Variants in MAX observed in about 807,000 individuals in gnomAD.
MAX encodes MYC associated transcriptional regulator X.
MAX carries 3 observed loss-of-function variants against 22.3 expected under a neutral mutation model. The observed-to-expected ratio is 0.13, with a 90% CI of 0.06 to 0.35. The LOEUF (loss-of-function observed/expected upper bound fraction) is 0.35, where lower values mean the gene tolerates loss of function less well. Ranked by LOEUF, MAX falls within the 10% of genes least tolerant of loss-of-function variation. The probability of loss-of-function intolerance (pLI) is 1.00; values close to 1 mark genes in which losing one functional copy is unlikely to be tolerated. For missense variants in MAX, 119 were observed against 209.4 expected (o/e 0.57, Z 2.66); for synonymous variants, 72 against 77.7 (o/e 0.93, Z 0.39).
rs376696058 is a variant in MAX, at chr14:65,043,815, C to T, written c.172-37531G>A. On this transcript the variant is annotated intron_variant, in intron 3 of 3. Transcript: ENST00000341653. ...CCGCAGTCCGGCCTGGGCGACAGAG[C>T]GAGACTCCGTCTCAAAAAAAAAAAA... is the stretch of plus-strand genomic sequence containing the variant. Among the ~76,000 whole-genome samples the T allele has an allele frequency of 1.7e-3, 186 of 110,540 alleles. 4 individuals are homozygous for T. The South Asian group carries it at 0.056, about 33-fold the overall frequency. 72.5% of individuals were successfully genotyped at this position (110,540 alleles called of 152,430 possible). A position where few individuals can be genotyped will look rare whatever the true frequency, so the allele number is the denominator to read the frequency against.
At chr14:65,070,262 A>C (rs2062971573), downstream of MAX, among the ~76,000 whole-genome samples, 1 of 152,150 alleles carries the variant, frequency 6.6e-6, no homozygotes, top group East Asian at 1.9e-4. This position sits in a 1 kb window ranked among gnomAD's most constrained non-coding sequence, Gnocchi z 4.4. Flanking sequence ...TCTTGATAGG[A>C]GGCTTAATCC....
chr14:65,101,012 C>T (rs1053212578), intron 2 of MAX, among the ~76,000 whole-genome samples: 3 of 152,230 alleles, frequency 2.0e-5, no homozygotes, highest in Non-Finnish European at 4.4e-5. Context: ...TTATGTGACA[C>T]TTTGATGATG....
chr14:65,085,851 A>G (rs1299327108), intron 3 of MAX, among the ~76,000 whole-genome samples: 2 of 152,156 alleles, frequency 1.3e-5, no homozygotes, highest in Non-Finnish European at 2.9e-5. Flanking sequence ...CAAAGCACTC[A>G]GATAAGCTGA....
At chr14:65,026,391 AG>A (rs113115174) in intron 3 of MAX, among the ~76,000 whole-genome samples, 4 of 152,324 alleles carry the variant, frequency 2.6e-5, no homozygotes, top group African/African-American at 9.6e-5. Flanking sequence ...CCCCTCAGTG[AG>A]GGAATGGGAG....
intron 2 of MAX, among the ~76,000 whole-genome samples, chr14:65,099,541 AAC>A (rs1438777277): frequency 0.036 from 5,499 of 151,274 alleles, 312 homozygotes; most frequent in African/African-American, 0.12. Context: ...CAAAAAAACA[AAC>A]AAACAAACAA....
chr14:65,102,379 G>T lies in MAX; in HGVS notation c.-40C>A. ...GGAGCGGCCACTGCAGCGGCGGCGG[G>T]GAGGGGAAGGGGTGAAGGGGAGGGG... is the stretch of plus-strand genomic sequence containing the variant. On this transcript the variant is annotated 5_prime_UTR_variant, in exon 1 of 5. Transcript: ENST00000358664. 6.2e-7 allele frequency: 1 copy of T among 1,609,124 alleles called. No homozygotes were observed. The highest frequency in any genetic ancestry group is 1.7e-4 in the Middle Eastern group (1 of 6,024).
At position 65,093,453 on chromosome 14, in the gene MAX, A is replaced by T. The variant is rs1196060801; in HGVS notation, c.171+255T>A. The T allele has an allele frequency of 2.0e-6, 1 of 498,048 alleles. No individual in the cohort carries two copies. The highest frequency in any genetic ancestry group is 3.7e-5 in the East Asian group (1 of 26,730). The allele number at this position is 498,048 out of a possible 1,614,324, so 30.9% of individuals were successfully genotyped here. ...AGTTATAATTTCTTGAATTTATTAC[A>T]AATAATACAAATTTTAAAAGATAAC... is the stretch of plus-strand genomic sequence containing the variant. On this transcript the variant is annotated intron_variant, in intron 3 of 4. Transcript: ENST00000358664. This position sits in a 1 kb window ranked among gnomAD's most constrained non-coding sequence, Gnocchi z 4.4.
chr14:65,089,455 C>T (rs2139841378), intron 3 of MAX, among the ~76,000 whole-genome samples: 1 of 152,154 alleles, frequency 6.6e-6, no homozygotes, highest in South Asian at 2.1e-4. Context: ...GAGGGAGAGA[C>T]TTAAAAGATG....
rs2063034655 is a variant in MAX at position 65,075,507 on chromosome 14, T to C, written c.*969A>G. On this transcript the variant is annotated 3_prime_UTR_variant, in exon 5 of 5. Coordinates refer to ENST00000358664, the MANE Select transcript of MAX (RefSeq NM_002382.5). The surrounding 1 kb of genome is among the most constrained non-coding windows in gnomAD (Gnocchi z 4.1). ...TCTTGGTATTTACATACAAAATCAG[T>C]TGGCTCTATTTCTTAGAAATACACA... 2.8e-6 allele frequency: 3 copies of C among 1,064,904 alleles called. No homozygotes were observed. The highest frequency in any genetic ancestry group is 3.4e-6 in the Non-Finnish European group (3 of 878,838). 66.0% of individuals were successfully genotyped at this position (1,064,904 alleles called of 1,614,324 possible).
At position 65,032,637 on chromosome 14, in the gene MAX, C is replaced by G; in HGVS notation, c.172-26353G>C. 6.2e-7 allele frequency: 1 copy of G among 1,613,972 alleles called. No homozygotes were observed. Among genetic ancestry groups the G allele is most frequent in the Non-Finnish European group, 8.5e-7 (1 of 1,180,018 alleles). On this transcript the variant is annotated intron_variant, in intron 3 of 3. Transcript: ENST00000341653. This position sits in a 1 kb window ranked among gnomAD's most constrained non-coding sequence, Gnocchi z 5.0. Reference sequence around the variant, plus strand: ...GCGCATACTGTGCTGCCTCCGTAGCCTCGCTGACCAACATCATCACTCCAG... The same window carrying G: ...GCGCATACTGTGCTGCCTCCGTAGCGTCGCTGACCAACATCATCACTCCAG...
intron 3 of MAX, among the ~76,000 whole-genome samples, chr14:65,081,557 G>A (rs185835780): frequency 6.6e-6 from 1 of 152,266 alleles, no homozygotes; most frequent in Non-Finnish European, 1.5e-5. Flanking sequence ...AATAACCCTG[G>A]ACTTTCAGTT....
Position 65,054,500 on chromosome 14 carries a change from C to T in MAX, c.171+39208G>A. On this transcript the variant is annotated intron_variant, in intron 3 of 3. Transcript: ENST00000341653. The surrounding 1 kb of genome is among the most constrained non-coding windows in gnomAD (Gnocchi z 4.4). ...GGACGTGTGATTGCACCAGTGGTCT[C>T]TGAATTGGTGTGGCTACATTTGTAG... 6.9e-7 allele frequency: 1 copy of T among 1,445,752 alleles called. No homozygotes were observed. Among genetic ancestry groups the T allele is most frequent in the South Asian group, 1.2e-5 (1 of 80,852 alleles). 89.6% of individuals were successfully genotyped at this position (1,445,752 alleles called of 1,614,324 possible).
intron 3 of MAX, among the ~76,000 whole-genome samples, chr14:65,057,757 T>TATC (rs1205295615): frequency 2.6e-5 from 4 of 152,220 alleles, no homozygotes; most frequent in Non-Finnish European, 5.9e-5. Context: ...GATATAATGT[T>TATC]ATCTTTTTTC....
intron 3 of MAX, among the ~76,000 whole-genome samples, chr14:65,056,709 T>C (rs2062744708): frequency 6.6e-6 from 1 of 152,216 alleles, no homozygotes; most frequent in Non-Finnish European, 1.5e-5. Context: ...GTATTTGTAG[T>C]TCTCTGTATA....
At chr14:65,074,289 G>C (rs1019002475), downstream of MAX, among the ~76,000 whole-genome samples, 1 of 152,208 alleles carries the variant, frequency 6.6e-6, no homozygotes, top group Non-Finnish European at 1.5e-5. Context: ...ATCTTGAAAA[G>C]AAGTGCCTTT....
intron 3 of MAX, chr14:65,015,742 G>T (rs748168010): frequency 1.2e-6 from 2 of 1,606,380 alleles, no homozygotes; most frequent in South Asian, 2.2e-5. Context: ...GGAAATCTGG[G>T]GTGTTCTCTG....
At chr14:65,081,769 G>C (rs2063205025) in intron 3 of MAX, among the ~76,000 whole-genome samples, 1 of 152,156 alleles carries the variant, frequency 6.6e-6, no homozygotes, top group Admixed American at 6.5e-5. Flanking sequence ...TTTGTGAACA[G>C]AAATGGCTCT....
chr14:65,057,244 T>C (rs1016299245), intron 3 of MAX, among the ~76,000 whole-genome samples: 2 of 152,100 alleles, frequency 1.3e-5, no homozygotes, highest in Non-Finnish European at 2.9e-5. Flanking sequence ...ACCATAGCAT[T>C]TTGTTTTTGG....
At position 65,069,696 on chromosome 14, in the gene MAX, C is replaced by T. The variant is rs1254743672; in HGVS notation, c.171+24012G>A. The stretch of plus-strand genomic sequence containing the variant: ...TGCAGCATTTGTAGAGTACCCACCA[C>T]AAGCCAAGCACAGTGCTAGGAGTCC... On this transcript the variant is annotated intron_variant, in intron 3 of 3. Coordinates refer to the MAX transcript ENST00000341653. The surrounding 1 kb of genome is among the most constrained non-coding windows in gnomAD (Gnocchi z 4.6). Among the ~76,000 whole-genome samples, 1 of 152,234 alleles carries T rather than the reference C, an allele frequency of 6.6e-6. No individual in the cohort carries two copies. The highest frequency in any genetic ancestry group is 1.5e-5 in the Non-Finnish European group (1 of 68,036).
Sources: gnomAD v4.1 joint callset for allele counts (sites outside exome capture counted in the v4.1 genomes callset) on GRCh38, gnomAD v4.1.1 for gene constraint, Gnocchi (gnomAD v3.1) non-coding constraint, MANE v1.5 for transcripts, NCBI Gene and HGNC (gene_info 2026-07-23, HGNC 2026-07-21) for gene names.